Variants in GBE1 observed in about 807,000 individuals in gnomAD.
The protein encoded by GBE1 is 1,4-alpha-glucan-branching enzyme.
In GBE1, 70 loss-of-function variants were observed where a neutral mutation model predicts 88.8. The ratio of observed to expected loss-of-function variants is 0.79; its 90% confidence interval spans 0.65 to 0.96. The LOEUF is 0.96. GBE1 is among the 40% of genes least tolerant of loss of function. GBE1 has a pLI of 0.00. For synonymous variants in GBE1, 284 were observed against 300.1 expected, an observed-to-expected ratio of 0.95 and a Z score of 0.56; for missense variants, 872 against 871.0, an observed-to-expected ratio of 1.00 and a Z score of -0.01.
At chr3:81,513,603 G>GA (rs1300272261) in intron 14 of GBE1, among the ~76,000 whole-genome samples, 2 of 151,032 alleles carry the variant, frequency 1.3e-5, no homozygotes, top group African/African-American at 2.4e-5. Flanking sequence ...TAGGACAATA[G>GA]AAAAAAGACA....
chr3:81,626,115 G>C (rs1321476782), intron 7 of GBE1, among the ~76,000 whole-genome samples: 2 of 152,190 alleles, frequency 1.3e-5, no homozygotes, highest in South Asian at 4.1e-4. Flanking sequence ...GCACTGCTCA[G>C]TAAGGAGCAG....
intron 1 of GBE1, among the ~76,000 whole-genome samples, chr3:81,738,479 T>C (rs1706302891): frequency 6.6e-6 from 1 of 152,156 alleles, no homozygotes; most frequent in African/African-American, 2.4e-5. Flanking sequence ...ATTGTGGTTT[T>C]GATTTGCATT....
chr3:81,616,570 C>G (rs908641595), intron 7 of GBE1, among the ~76,000 whole-genome samples: 1 of 152,128 alleles, frequency 6.6e-6, no homozygotes, highest in Non-Finnish European at 1.5e-5. Context: ...TATCCCTCCA[C>G]TGATACCACA....
At chr3:81,691,333 G>C (rs1705516867) in intron 2 of GBE1, among the ~76,000 whole-genome samples, 1 of 152,076 alleles carries the variant, frequency 6.6e-6, no homozygotes, top group Admixed American at 6.6e-5. Flanking sequence ...TTATACAAAA[G>C]CTTTTCCTTT....
intron 7 of GBE1, among the ~76,000 whole-genome samples, chr3:81,641,541 C>T (rs1704678444): frequency 1.3e-5 from 2 of 152,002 alleles, no homozygotes; most frequent in Admixed American, 1.3e-4. Flanking sequence ...CAAACTCTGC[C>T]TCCTTCTATA....
chr3:81,498,358 T>C (rs985240863), intron 15 of GBE1, among the ~76,000 whole-genome samples: 2 of 152,114 alleles, frequency 1.3e-5, no homozygotes, highest in Non-Finnish European at 2.9e-5. Flanking sequence ...TTAACAGCTA[T>C]GGTAAAGTCA....
At chr3:81,612,374 C>T (rs965423701) in intron 7 of GBE1, 50 of 790,658 alleles carry the variant, frequency 6.3e-5, no homozygotes, top group East Asian at 1.0e-4. Context: ...TGGATCACCA[C>T]GCTCATTAGG....
intron 14 of GBE1, among the ~76,000 whole-genome samples, chr3:81,514,827 C>T (rs188721604): frequency 9.8e-4 from 149 of 151,558 alleles, no homozygotes; most frequent in Non-Finnish European, 1.6e-3. Flanking sequence ...GTCAGAAACA[C>T]GAATAATATC....
At chr3:81,632,300 T>A (rs1312655837) in intron 7 of GBE1, among the ~76,000 whole-genome samples, 1 of 152,118 alleles carries the variant, frequency 6.6e-6, no homozygotes, top group African/African-American at 2.4e-5. Context: ...AGTAGAATGA[T>A]CTATCTATCT....
chr3:81,739,125 G>A (rs1472820633), intron 1 of GBE1, among the ~76,000 whole-genome samples: 2 of 152,106 alleles, frequency 1.3e-5, no homozygotes, highest in East Asian at 1.9e-4. Context: ...TCTAAACACC[G>A]CTCAAAGGCC....
At chr3:81,735,678 T>C (rs1706248835) in intron 1 of GBE1, among the ~76,000 whole-genome samples, 1 of 152,210 alleles carries the variant, frequency 6.6e-6, no homozygotes. Flanking sequence ...CTGGGCTTTT[T>C]CCCAGTAAAC....
At chr3:81,665,795 A>G (rs540402459) in intron 3 of GBE1, among the ~76,000 whole-genome samples, 20 of 152,316 alleles carry the variant, frequency 1.3e-4, no homozygotes, top group Non-Finnish European at 2.2e-4. Context: ...GAGCACTTCT[A>G]TGACCCAAAT....
At chr3:81,605,037 T>A (rs1704086147) in intron 7 of GBE1, among the ~76,000 whole-genome samples, 1 of 152,002 alleles carries the variant, frequency 6.6e-6, no homozygotes. Context: ...CTAGTGAGAG[T>A]AAGCTCATAT....
chr3:81,584,566 A>T (rs1043357200), intron 10 of GBE1, among the ~76,000 whole-genome samples: 1 of 152,068 alleles, frequency 6.6e-6, no homozygotes, highest in East Asian at 1.9e-4. Flanking sequence ...AATTACATAA[A>T]ATAGAAGATG....
At chr3:81,531,590 C>A (rs907596932) in intron 14 of GBE1, among the ~76,000 whole-genome samples, 1 of 151,784 alleles carries the variant, frequency 6.6e-6, no homozygotes, top group East Asian at 2.0e-4. Flanking sequence ...AGCAAGTTCC[C>A]TTAAGGCATA....
chr3:81,538,923 C>T (rs906762905), intron 12 of GBE1, among the ~76,000 whole-genome samples: 2 of 151,996 alleles, frequency 1.3e-5, no homozygotes, highest in Non-Finnish European at 2.9e-5. Flanking sequence ...TATTAATAAA[C>T]AATTCCTTTA....
chr3:81,547,560 C>A (rs1703221869), intron 12 of GBE1, among the ~76,000 whole-genome samples: 1 of 151,000 alleles, frequency 6.6e-6, no homozygotes, highest in Non-Finnish European at 1.5e-5. Flanking sequence ...CAAGGGAACC[C>A]AGAAGCCCGG....
At chr3:81,567,568 T>C (rs1176465422) in intron 12 of GBE1, among the ~76,000 whole-genome samples, 1 of 152,232 alleles carries the variant, frequency 6.6e-6, no homozygotes, top group Non-Finnish European at 1.5e-5. Flanking sequence ...ACTCTAGCCT[T>C]ATTTGTCTCA....
chr3:81,586,845 G>A lies in GBE1; in HGVS notation c.1237-655C>T, dbSNP rs192310148. 1.1e-3 allele frequency among the ~76,000 whole-genome samples: 162 copies of A among 151,374 alleles called. 2 individuals are homozygous for A. The highest frequency in any genetic ancestry group is 3.6e-3 in the African/African-American group (147 of 41,190). ...CCCTTGTTGCCCAGGCTGGTTTACAGTGGCATGATATCAGCTCACTGCAAC... is the reference window on the plus strand; with the variant it reads ...CCCTTGTTGCCCAGGCTGGTTTACAATGGCATGATATCAGCTCACTGCAAC... On this transcript the variant is annotated intron_variant, in intron 9 of 15. Coordinates refer to ENST00000429644, the MANE Select transcript of GBE1 (RefSeq NM_000158.4).
Sources: allele counts gnomAD v4.1 joint callset (sites outside exome capture counted in the v4.1 genomes callset), GRCh38; gene constraint gnomAD v4.1.1; transcripts MANE v1.5; gene names NCBI Gene and HGNC (gene_info 2026-07-23, HGNC 2026-07-21).